Variants in SLC7A14 observed in about 807,000 individuals in gnomAD.
SLC7A14 encodes gamma-aminobutyric acid transporter SLC7A14.
In SLC7A14, 37 loss-of-function variants were observed where a neutral mutation model predicts 60.2. The observed-to-expected ratio is 0.61, with a 90% CI of 0.47 to 0.81. SLC7A14 has a LOEUF of 0.81. Ranked by LOEUF, SLC7A14 falls within the 30% of genes least tolerant of loss-of-function variation. SLC7A14 has a pLI of 0.00. For missense variants in SLC7A14, 886 were observed against 982.7 expected (o/e 0.90, Z 1.32); for synonymous variants, 399 against 395.8 (o/e 1.01, Z -0.10).
intron 2 of SLC7A14, among the ~76,000 whole-genome samples, chr3:170,512,422 C>G (rs1323902167): frequency 6.6e-6 from 1 of 152,182 alleles, no homozygotes; most frequent in Non-Finnish European, 1.5e-5. Context: ...GATGCCAACA[C>G]ACAGGGAGGG....
chr3:170,499,405 A>G (rs1363077189), intron 3 of SLC7A14, among the ~76,000 whole-genome samples: 2 of 152,098 alleles, frequency 1.3e-5, no homozygotes, highest in African/African-American at 4.8e-5. Context: ...ATGATCTGGT[A>G]TCCTGGACCA....
At chr3:170,525,021 C>T (rs112347224) in intron 2 of SLC7A14, among the ~76,000 whole-genome samples, 5,049 of 152,274 alleles carry the variant, frequency 0.033, 292 homozygotes, top group African/African-American at 0.12. Context: ...TTATTCTACA[C>T]GTATGATATT....
At chr3:170,503,147 C>G (rs1235590375) in intron 2 of SLC7A14, 2 of 152,124 alleles carry the variant, frequency 1.3e-5, no homozygotes, top group Non-Finnish European at 2.9e-5. Flanking sequence ...ATTTTGAGTT[C>G]CTATGTCAGC....
chr3:170,518,237 G>T (rs1474959219), intron 2 of SLC7A14, among the ~76,000 whole-genome samples: 1 of 152,188 alleles, frequency 6.6e-6, no homozygotes, highest in Non-Finnish European at 1.5e-5. Context: ...ATGAGATCTA[G>T]ACCCCTCGTG....
chr3:170,496,485 A>G (rs1362906907), intron 4 of SLC7A14: 8 of 1,380,120 alleles, frequency 5.8e-6, no homozygotes, highest in South Asian at 1.2e-5. Flanking sequence ...TGCCAGCGCC[A>G]AGCGGTCGGA....
At position 170,544,461 on chromosome 3, in the gene SLC7A14, C is replaced by T. The variant is rs1390806408; in HGVS notation, c.-152-17373G>A. Among the ~76,000 whole-genome samples the T allele has an allele frequency of 2.6e-5, 4 of 152,190 alleles. No individual in the cohort carries two copies. The East Asian group carries it at 5.8e-4, about 22-fold the overall frequency. ...TGCTTAAACAAGCCTAGATAATCCT[C>T]GCCTAAATAACAGTGTCACTTATAT... On this transcript the variant is annotated intron_variant, in intron 1 of 7. Coordinates refer to ENST00000231706, the MANE Select transcript of SLC7A14 (RefSeq NM_020949.3).
In SLC7A14 at chr3:170,483,404, G is replaced by T. The variant is rs1474197298; in HGVS notation, c.1025C>A (p.Ser342Ter). Residue 342 changes from serine to a stop codon, truncating the protein, a stop_gained, in exon 6 of 8, where the codon TCG becomes TAG. Coordinates refer to ENST00000231706, the MANE Select transcript of SLC7A14 (RefSeq NM_020949.3). LOFTEE classifies it high-confidence loss of function. ...CAAGCTGACTGTCAGTCCTGCAACC[G>T]ACCCAATGGCCACTACGAATTTGGC... ...YAAKFVVAIGSVAGLTVSLLG... is the reference protein window; with the variant it reads ...YAAKFVVAIG The T allele has an allele frequency of 6.2e-7, 1 of 1,614,070 alleles. No individual in the cohort carries two copies. Among genetic ancestry groups the T allele is most frequent in the Non-Finnish European group, 8.5e-7 (1 of 1,180,050 alleles).
At position 170,585,500 on chromosome 3, in the gene SLC7A14, G is replaced by T. The variant is rs986436649; in HGVS notation, c.-153+411C>A. On this transcript the variant is annotated intron_variant, in intron 1 of 7. Transcript: ENST00000231706. This position sits in a 1 kb window ranked among gnomAD's most constrained non-coding sequence, Gnocchi z 5.1. ...ACGGAGCTGCCCGTGCGGGGTGCGC[G>T]CCAAGGCGGGGGACAGGACGGGCCC... Among the ~76,000 whole-genome samples the T allele has an allele frequency of 6.6e-6, 1 of 152,220 alleles. No individual in the cohort carries two copies. Among genetic ancestry groups the T allele is most frequent in the African/African-American group, 2.4e-5 (1 of 41,466 alleles).
intron 4 of SLC7A14, among the ~76,000 whole-genome samples, chr3:170,487,561 A>C (rs1377960636): frequency 6.6e-6 from 1 of 152,164 alleles, no homozygotes; most frequent in Non-Finnish European, 1.5e-5. Context: ...ACTTGTCCAA[A>C]ATTGTCACTC....
At chr3:170,468,656 C>T (rs1428308866) in intron 7 of SLC7A14, among the ~76,000 whole-genome samples, 1 of 152,166 alleles carries the variant, frequency 6.6e-6, no homozygotes, top group Non-Finnish European at 1.5e-5. Flanking sequence ...AGTCTGGGAA[C>T]CATAACCTTG....
intron 1 of SLC7A14, among the ~76,000 whole-genome samples, chr3:170,551,421 A>T (rs1714349083): frequency 6.6e-6 from 1 of 152,120 alleles, no homozygotes; most frequent in Non-Finnish European, 1.5e-5. Flanking sequence ...ACATACTGGG[A>T]GTGGAAGTGC....
At chr3:170,544,321 A>G (rs1259682550) in intron 1 of SLC7A14, among the ~76,000 whole-genome samples, 2 of 152,104 alleles carry the variant, frequency 1.3e-5, no homozygotes, top group Non-Finnish European at 2.9e-5. Context: ...TGCAAGCAGA[A>G]AAAAGGTAAA....
chr3:170,526,464 C>T (rs1279251260), intron 2 of SLC7A14, among the ~76,000 whole-genome samples, 169 bp downstream of exon 2: 2 of 151,164 alleles, frequency 1.3e-5, no homozygotes, highest in Non-Finnish European at 3.0e-5. Context: ...ATAATTAAGT[C>T]AAAACCTGGC....
At chr3:170,495,436 CCA>C (rs1345986663) in intron 4 of SLC7A14, among the ~76,000 whole-genome samples, 1 of 152,244 alleles carries the variant, frequency 6.6e-6, no homozygotes, top group African/African-American at 2.4e-5. Context: ...ACTCCTGCCT[CCA>C]CCATGTCCAT....
intron 2 of SLC7A14, among the ~76,000 whole-genome samples, chr3:170,517,325 G>A (rs1713196312): frequency 6.6e-6 from 1 of 152,200 alleles, no homozygotes; most frequent in Non-Finnish European, 1.5e-5. Context: ...GGACTGGCAT[G>A]CATTTGTTCA....
At chr3:170,486,640 G>T (rs960218866) in intron 4 of SLC7A14, among the ~76,000 whole-genome samples, 4 of 151,922 alleles carry the variant, frequency 2.6e-5, no homozygotes, top group Admixed American at 6.6e-5. Flanking sequence ...TTGAGAGGCC[G>T]ATGGGGGTGG....
intron 4 of SLC7A14, among the ~76,000 whole-genome samples, chr3:170,487,423 G>A (rs1419982917): frequency 6.6e-6 from 1 of 151,714 alleles, no homozygotes; most frequent in Non-Finnish European, 1.5e-5. Flanking sequence ...TATGGGGTGA[G>A]GGAAAAAGAA....
rs532367723 is a variant in SLC7A14, at chr3:170,490,988, CCTT to C, written c.760-4623_760-4621del. On this transcript the variant is annotated intron_variant, in intron 4 of 7. Coordinates refer to ENST00000231706, the MANE Select transcript of SLC7A14 (RefSeq NM_020949.3). The stretch of plus-strand genomic sequence containing the variant: ...ACACCCAAGGGCACAAACTCCTCCT[CCTT>C]CTCTCCTCCTTCTACTCCCCTACCT... 2.9e-4 allele frequency among the ~76,000 whole-genome samples: 44 copies of C among 152,204 alleles called. No individual in the cohort carries two copies. The East Asian group carries it at 4.8e-3, about 17-fold the overall frequency.
At chr3:170,496,679 C>T in intron 4 of SLC7A14, 1 of 1,078,924 alleles carries the variant, frequency 9.3e-7, no homozygotes, top group Non-Finnish European at 1.4e-6. Flanking sequence ...AGGAAGACCA[C>T]CAGCGGCTAT....
Sources: allele counts gnomAD v4.1 joint callset (sites outside exome capture counted in the v4.1 genomes callset), GRCh38; gene constraint gnomAD v4.1.1; non-coding constraint Gnocchi (gnomAD v3.1); transcripts MANE v1.5; gene names NCBI Gene and HGNC (gene_info 2026-07-23, HGNC 2026-07-21).